LY6S: variants seen among roughly 807,000 people sequenced by gnomAD.
LY6S encodes lymphocyte antigen 6S.
At chr8:143,070,316 G>A in the LY6S span, among the ~76,000 whole-genome samples, 1 of 147,018 alleles carries the variant, frequency 6.8e-6, no homozygotes, top group Non-Finnish European at 1.5e-5. Context: ...GTGAATTTGA[G>A]GGGGGCACAG....
chr8:143,061,769 C>T, the LY6S span, among the ~76,000 whole-genome samples: 1 of 152,198 alleles, frequency 6.6e-6, no homozygotes, highest in African/African-American at 2.4e-5. Context: ...GTCTTGAACT[C>T]CTGACCTCAG....
chr8:143,069,320 T>TA, the LY6S span, among the ~76,000 whole-genome samples: 1 of 152,204 alleles, frequency 6.6e-6, no homozygotes, highest in East Asian at 1.9e-4. Flanking sequence ...TTTCAAGATA[T>TA]AACCTTGAAG....
the LY6S span, among the ~76,000 whole-genome samples, chr8:143,073,335 G>T: frequency 7.4e-6 from 1 of 135,286 alleles, no homozygotes; most frequent in Non-Finnish European, 1.6e-5. Context: ...CATCCTCGGG[G>T]TTCCTGTTTG....
chr8:143,057,928 G>A, the LY6S span: 6 of 576,350 alleles, frequency 1.0e-5, no homozygotes, highest in South Asian at 6.0e-5. Flanking sequence ...CCCACGGTGC[G>A]GGTGGTCTCA....
chr8:143,050,035 C>T, the LY6S span, among the ~76,000 whole-genome samples: 2 of 152,172 alleles, frequency 1.3e-5, no homozygotes, highest in African/African-American at 2.4e-5. Context: ...GTGGGAGAAA[C>T]GCCTGGTCCG....
chr8:143,066,161 T>C, the LY6S span: 1 of 318,156 alleles, frequency 3.1e-6, no homozygotes, highest in Non-Finnish European at 5.9e-6. Flanking sequence ...TCTTTTCTTT[T>C]CTTTTCTTTT....
chr8:143,041,064 T>C, the LY6S span, among the ~76,000 whole-genome samples: 1 of 152,134 alleles, frequency 6.6e-6, no homozygotes, highest in Admixed American at 6.6e-5. Context: ...GGGGCGAAAT[T>C]AAAATTGCTA....
At chr8:143,070,442 TATTGTA>T in the LY6S span, among the ~76,000 whole-genome samples, 1,204 of 74,742 alleles carry the variant, frequency 0.016, 66 homozygotes, top group East Asian at 0.094. Context: ...ATTATATATA[TATTGTA>T]TATATATATA....
the LY6S span, among the ~76,000 whole-genome samples, chr8:143,049,697 T>C: frequency 2.5e-3 from 380 of 152,264 alleles, no homozygotes; most frequent in Non-Finnish European, 3.9e-3. Flanking sequence ...TCTAATCCCA[T>C]TTCACCCCCT....
chr8:143,048,470 CT>C, the LY6S span, among the ~76,000 whole-genome samples: 11,302 of 123,664 alleles, frequency 0.091, 276 homozygotes, highest in Middle Eastern at 0.17. Flanking sequence ...ACAAAATTTT[CT>C]TTTTTTTTTT....
chr8:143,057,603 G>C, the LY6S span: 1 of 1,294,314 alleles, frequency 7.7e-7, no homozygotes, highest in South Asian at 1.2e-5. Context: ...TGAATGAGAG[G>C]GTCCCCAGTC....
At chr8:143,073,733 C>T in the LY6S span, among the ~76,000 whole-genome samples, 2 of 145,710 alleles carry the variant, frequency 1.4e-5, no homozygotes, top group Admixed American at 6.7e-5. Context: ...AGACAGCCGT[C>T]GTCCTCGGGA....
chr8:143,041,047 C>T, the LY6S span, among the ~76,000 whole-genome samples: 26 of 152,102 alleles, frequency 1.7e-4, no homozygotes, highest in Non-Finnish European at 2.8e-4. Context: ...CACAGGACCA[C>T]GGGACCGGGG....
At chr8:143,057,193 C>G in the LY6S span, 1 of 325,344 alleles carries the variant, frequency 3.1e-6, no homozygotes, top group Non-Finnish European at 6.1e-6. Flanking sequence ...GGTAATATTC[C>G]GGGACTGGCT....
the LY6S span, among the ~76,000 whole-genome samples, chr8:143,062,114 A>G: frequency 6.6e-6 from 1 of 152,254 alleles, no homozygotes; most frequent in Non-Finnish European, 1.5e-5. Flanking sequence ...AGATATGATT[A>G]GAAAGGAAAT....
At chr8:143,044,289 G>C in the LY6S span, 1 of 454,472 alleles carries the variant, frequency 2.2e-6, no homozygotes, top group Non-Finnish European at 4.4e-6. Context: ...GGGGTCCCCA[G>C]AGTAGCTACA....
At chr8:143,075,871 T>A in the LY6S span, among the ~76,000 whole-genome samples, 1 of 152,182 alleles carries the variant, frequency 6.6e-6, no homozygotes, top group South Asian at 2.1e-4. The surrounding 1 kb of genome is among the most constrained non-coding windows in gnomAD (Gnocchi z 4.1). Flanking sequence ...TTAACTGTGG[T>A]TTATTAGAAT....
the LY6S span, among the ~76,000 whole-genome samples, chr8:143,062,808 A>AATGATGATG: frequency 6.6e-6 from 1 of 151,902 alleles, no homozygotes; most frequent in Non-Finnish European, 1.5e-5. Flanking sequence ...GGGTATCAGG[A>AATGATGATG]ATGATGATGA....
the LY6S span, among the ~76,000 whole-genome samples, chr8:143,061,261 T>TAAA: frequency 3.3e-3 from 468 of 142,190 alleles, 1 homozygote; most frequent in African/African-American, 0.011. Flanking sequence ...CCCTGTCTCT[T>TAAA]AAAAAAAAAA....
Sources: allele counts gnomAD v4.1 joint callset (sites outside exome capture counted in the v4.1 genomes callset), GRCh38; gene constraint gnomAD v4.1.1; non-coding constraint Gnocchi (gnomAD v3.1); transcripts MANE v1.5; gene names NCBI Gene and HGNC (gene_info 2026-07-23, HGNC 2026-07-21).